Variants in LSAMP observed in about 807,000 individuals in gnomAD.
LSAMP encodes the protein limbic system associated membrane protein.
A neutral mutation model predicts 38.6 loss-of-function variants in LSAMP; 7 were observed. The ratio of observed to expected loss-of-function variants is 0.18; its 90% CI spans 0.10 to 0.34. The LOEUF is 0.34. Ranked by LOEUF, LSAMP falls within the 10% of genes least tolerant of loss-of-function variation. The pLI is 1.00. For synonymous variants in LSAMP, 154 were observed against 166.8 expected (o/e 0.92, Z 0.59); for missense variants, 313 against 420.0 (o/e 0.75, Z 2.23).
rs912592661 is a variant in LSAMP at position 115,808,710 on chromosome 3, C to G, written c.*1607G>C. ...GGTGCTGCAAACACCATCAGTGAAA[C>G]AGAACAGGGATTATGCAGGCAACCA... On this transcript the variant is annotated 3_prime_UTR_variant, in exon 7 of 7. Coordinates refer to ENST00000490035, the MANE Select transcript of LSAMP (RefSeq NM_002338.5). The G allele has an allele frequency of 6.6e-6, 1 of 152,148 alleles. No homozygotes were observed. The highest frequency in any genetic ancestry group is 6.6e-5 in the Admixed American group (1 of 15,262). 9.4% of individuals were successfully genotyped at this position (152,148 alleles called of 1,614,324 possible).
At chr3:116,059,861 A>AACACTCAGCGAT (rs1160047017) in intron 2 of LSAMP, among the ~76,000 whole-genome samples, 1 of 152,182 alleles carries the variant, frequency 6.6e-6, no homozygotes, top group Non-Finnish European at 1.5e-5. Context: ...TGTAATAAGG[A>AACACTCAGCGAT]ACACTCAGGG....
chr3:115,956,230 G>A (rs1002728872), intron 3 of LSAMP, among the ~76,000 whole-genome samples: 4 of 151,176 alleles, frequency 2.6e-5, no homozygotes, highest in African/African-American at 9.7e-5. Flanking sequence ...GGGTATCTGA[G>A]GTTATCAGGC....
At chr3:116,225,928 A>G (rs1431703527) in intron 1 of LSAMP, among the ~76,000 whole-genome samples, 2 of 152,158 alleles carry the variant, frequency 1.3e-5, no homozygotes, top group East Asian at 3.9e-4. Context: ...TTTAAACCTC[A>G]TAGTTTTCAC....
chr3:116,132,403 T>C (rs889508397), intron 1 of LSAMP, among the ~76,000 whole-genome samples: 1 of 150,328 alleles, frequency 6.7e-6, no homozygotes, highest in Non-Finnish European at 1.5e-5. Flanking sequence ...ATAAAGAAAA[T>C]GCAAAAGGTC....
At chr3:116,061,015 A>G (rs1941585128) in intron 2 of LSAMP, among the ~76,000 whole-genome samples, 1 of 152,170 alleles carries the variant, frequency 6.6e-6, no homozygotes, top group Non-Finnish European at 1.5e-5. Flanking sequence ...ACATGAGAAT[A>G]TCATCCTCAA....
At chr3:116,410,020 TTTTG>T (rs1230098590) in intron 1 of LSAMP, among the ~76,000 whole-genome samples, 1 of 152,064 alleles carries the variant, frequency 6.6e-6, no homozygotes, top group Non-Finnish European at 1.5e-5. Flanking sequence ...CCCTTAAGTG[TTTTG>T]TTTGTTTGTT....
intron 1 of LSAMP, among the ~76,000 whole-genome samples, chr3:116,322,057 C>T (rs952042454): frequency 4.6e-5 from 7 of 152,178 alleles, no homozygotes; most frequent in African/African-American, 1.7e-4. Flanking sequence ...TCTCTAGTTA[C>T]ATTGTTCACT....
chr3:116,146,754 G>T (rs1458343865), intron 1 of LSAMP, among the ~76,000 whole-genome samples: 1 of 151,842 alleles, frequency 6.6e-6, no homozygotes, highest in Non-Finnish European at 1.5e-5. Context: ...ATAGAAGATG[G>T]GTTAGGACTG....
chr3:115,983,283 A>G (rs891076502), intron 3 of LSAMP, among the ~76,000 whole-genome samples: 2 of 152,170 alleles, frequency 1.3e-5, no homozygotes, highest in Non-Finnish European at 2.9e-5. Flanking sequence ...TGGGAGACTG[A>G]GCAGGGAGGA....
intron 1 of LSAMP, among the ~76,000 whole-genome samples, chr3:116,281,176 G>C (rs2047121832): frequency 6.6e-6 from 1 of 152,146 alleles, no homozygotes. Context: ...ATTTGTGAAG[G>C]AGAATTTTGA....
At chr3:116,199,572 TAAATAAATGAGTGAGC>T (rs767043674) in intron 1 of LSAMP, among the ~76,000 whole-genome samples, 24 of 152,254 alleles carry the variant, frequency 1.6e-4, no homozygotes, top group South Asian at 8.3e-4. Context: ...TCTGCTAGGA[TAAATAAATGAGTGAGC>T]AAATAAATGA....
rs531695280 is a variant in LSAMP, at chr3:116,019,625, G to A, written c.404C>T (p.Ser135Phe). 1.2e-6 allele frequency: 2 copies of A among 1,612,288 alleles called. No homozygotes were observed. Among genetic ancestry groups the A allele is most frequent in the South Asian group, 2.2e-5 (2 of 91,000 alleles). ...YLIVQVPPKISNISSDVTVNE... is the reference protein window; with the variant it reads ...YLIVQVPPKIFNISSDVTVNE... ...CACAGTGACATCCGAGGAGATATTG[G>A]AGATCTTTGGTGGGACTGTGAAAAC... The change falls in exon 3 of 7, where the codon TCC becomes TTC. Residue 135 changes from serine (S) to phenylalanine (F), a missense_variant. By Grantham distance (155) the Ser-to-Phe change is radical. Coordinates refer to ENST00000490035, the MANE Select transcript of LSAMP (RefSeq NM_002338.5).
intron 3 of LSAMP, among the ~76,000 whole-genome samples, chr3:115,996,784 T>A (rs1293714680): frequency 1.3e-5 from 2 of 152,128 alleles, no homozygotes; most frequent in African/African-American, 4.8e-5. Flanking sequence ...TCCCCTCCTC[T>A]CAGGCTCCCT....
intron 3 of LSAMP, among the ~76,000 whole-genome samples, chr3:115,932,448 G>A (rs1937595115): frequency 6.6e-6 from 1 of 152,232 alleles, no homozygotes; most frequent in Admixed American, 6.5e-5. Flanking sequence ...AGGGGAGTAT[G>A]TCATTCCAGG....
chr3:115,907,673 A>G (rs1937040992), intron 3 of LSAMP, among the ~76,000 whole-genome samples: 1 of 152,228 alleles, frequency 6.6e-6, no homozygotes, highest in African/African-American at 2.4e-5. Context: ...ACAGCCAAAT[A>G]GCAAAAAGTA....
chr3:116,391,295 G>GC (rs936339388), intron 1 of LSAMP, among the ~76,000 whole-genome samples: 35 of 144,336 alleles, frequency 2.4e-4, no homozygotes, highest in South Asian at 7.2e-4. Context: ...CCTGTGCCCC[G>GC]CCCCCCCCGT....
intron 1 of LSAMP, among the ~76,000 whole-genome samples, chr3:116,406,716 C>T (rs2048902698): frequency 6.6e-6 from 1 of 151,968 alleles, no homozygotes; most frequent in South Asian, 2.1e-4. Flanking sequence ...TCCTGTTCTC[C>T]ATGCACACAG....
intron 1 of LSAMP, among the ~76,000 whole-genome samples, chr3:116,316,625 G>T (rs1266193397): frequency 6.6e-6 from 1 of 151,926 alleles, no homozygotes; most frequent in Non-Finnish European, 1.5e-5. Flanking sequence ...ACAGAAATTA[G>T]CTGGGCAGGA....
intron 3 of LSAMP, among the ~76,000 whole-genome samples, chr3:115,893,929 G>T (rs950819380): frequency 6.6e-6 from 1 of 151,890 alleles, no homozygotes; most frequent in African/African-American, 2.4e-5. Context: ...TGACCCAGTT[G>T]CAAGACTGTC....
Sources: allele counts gnomAD v4.1 joint callset (sites outside exome capture counted in the v4.1 genomes callset), GRCh38; gene constraint gnomAD v4.1.1; transcripts MANE v1.5; gene names NCBI Gene and HGNC (gene_info 2026-07-23, HGNC 2026-07-21).